Variants in MAGI2 observed in about 807,000 individuals in gnomAD.
The protein encoded by MAGI2 is membrane-associated guanylate kinase, WW and PDZ domain-containing protein 2.
MAGI2 carries 35 observed loss-of-function variants against 133.3 expected under a neutral mutation model. The ratio of observed to expected loss-of-function variants is 0.26; its 90% CI spans 0.20 to 0.35. MAGI2 has a LOEUF of 0.35. Among genes scored for constraint, MAGI2 ranks in the 10% least tolerant of loss-of-function variants. MAGI2 has a pLI of 1.00. For missense variants in MAGI2, 1,636 were observed against 1,863.4 expected, an observed-to-expected ratio of 0.88 and a Z score of 2.25; for synonymous variants, 729 against 710.6, an observed-to-expected ratio of 1.03 and a Z score of -0.41.
intron 2 of MAGI2, among the ~76,000 whole-genome samples, chr7:78,654,425 C>G (rs964587195): frequency 1.3e-5 from 2 of 151,946 alleles, no homozygotes; most frequent in African/African-American, 4.8e-5. Flanking sequence ...CCTGGTCCCA[C>G]AAGATGCTCT....
chr7:78,127,821 T>C (rs975965445), intron 18 of MAGI2, among the ~76,000 whole-genome samples: 2 of 152,290 alleles, frequency 1.3e-5, no homozygotes, highest in Admixed American at 6.5e-5. Flanking sequence ...TCACTCTTAC[T>C]TTTTTCTCTC....
intron 17 of MAGI2, 44 bp downstream of exon 17, chr7:78,134,977 C>A: frequency 1.9e-6 from 3 of 1,570,358 alleles, no homozygotes; most frequent in South Asian, 1.1e-5. Context: ...GTGAGTGTGT[C>A]CATGTGTTGG....
intron 1 of MAGI2, among the ~76,000 whole-genome samples, chr7:79,323,193 C>A (rs539566272): frequency 6.6e-6 from 1 of 152,216 alleles, no homozygotes; most frequent in South Asian, 2.1e-4. Flanking sequence ...TGAGCTCCTA[C>A]TGTATACCAA....
intron 2 of MAGI2, among the ~76,000 whole-genome samples, chr7:78,666,876 C>T (rs957055275): frequency 6.6e-6 from 1 of 152,124 alleles, no homozygotes; most frequent in African/African-American, 2.4e-5. Flanking sequence ...GTCTATTGCT[C>T]TTTCTATTAA....
At chr7:79,141,208 T>C (rs925028538) in intron 1 of MAGI2, among the ~76,000 whole-genome samples, 2 of 152,204 alleles carry the variant, frequency 1.3e-5, no homozygotes, top group Non-Finnish European at 2.9e-5. Flanking sequence ...ACTCCTTCCT[T>C]TTCCTGTCTT....
chr7:78,844,735 T>C (rs993268625), intron 2 of MAGI2, among the ~76,000 whole-genome samples: 9 of 151,812 alleles, frequency 5.9e-5, no homozygotes, highest in Admixed American at 4.6e-4. Context: ...AAACTGATGG[T>C]AGTTATACAA....
intron 15 of MAGI2, among the ~76,000 whole-genome samples, chr7:78,165,720 C>T (rs1016206790): frequency 6.6e-6 from 1 of 152,178 alleles, no homozygotes; most frequent in Admixed American, 6.5e-5. Context: ...CAGGCTTGCA[C>T]CTCCCACTGC....
Position 78,506,328 on chromosome 7 carries a change from A to G in MAGI2, c.755-4541T>C, listed in dbSNP as rs190382786. Among the ~76,000 whole-genome samples, 11 of 152,282 alleles carry G rather than the reference A, an allele frequency of 7.2e-5. No individual in the cohort carries two copies. The East Asian group carries it at 2.1e-3, about 29-fold the overall frequency. On this transcript the variant is annotated intron_variant, in intron 4 of 21. Transcript: ENST00000354212. ...GTAGGCTATACATGTGGTTTTGGGC[A>G]CACTGAGTTAGAGGTTCATGGAGAC...
chr7:79,386,220 G>A (rs751312779), intron 1 of MAGI2, among the ~76,000 whole-genome samples: 44 of 151,812 alleles, frequency 2.9e-4, no homozygotes, highest in Non-Finnish European at 5.9e-4. Context: ...CTGTAGGTAC[G>A]TCAAAATTGA....
chr7:79,333,415 C>T (rs979561509), intron 1 of MAGI2, among the ~76,000 whole-genome samples: 4 of 152,094 alleles, frequency 2.6e-5, no homozygotes, highest in Non-Finnish European at 5.9e-5. Context: ...CGTGAGCCAC[C>T]GCACCCGGCC....
intron 1 of MAGI2, among the ~76,000 whole-genome samples, chr7:79,420,267 C>A (rs536189920): frequency 1.5e-4 from 23 of 152,016 alleles, no homozygotes; most frequent in African/African-American, 5.3e-4. Context: ...TACCTTTTTC[C>A]AGAAAATTAA....
rs970925721 is a variant in MAGI2, at chr7:78,523,165, A to G, written c.539-1520T>C. Among the ~76,000 whole-genome samples, 6 of 152,340 alleles carry G rather than the reference A, an allele frequency of 3.9e-5. No individual in the cohort carries two copies. The South Asian group carries it at 1.2e-3, about 32-fold the overall frequency. On this transcript the variant is annotated intron_variant, in intron 3 of 21. Coordinates refer to ENST00000354212, the MANE Select transcript of MAGI2 (RefSeq NM_012301.4). ...TAGAATTTAGGCTTGGCTTTTTTAT[A>G]TAACTACAAGCAAGTTACTTAACCT...
rs1192847489 is a variant in MAGI2, at chr7:78,627,151, A to G, written c.507T>C (p.Ser169=). The change falls in exon 3 of 22, where the codon AGT becomes AGC. Residue 169 remains serine (S), a synonymous_variant. Coordinates refer to ENST00000354212, the MANE Select transcript of MAGI2 (RefSeq NM_012301.4). ...TVEDFMELEK[S]GALLESGTYE... is the part of the protein sequence containing the mutation. Reference sequence around the variant, plus strand: ...AAGTCCCACTTTCTAGGAGAGCACCACTTTTCTCCAATTCCATAAAATCTT... The same window carrying G: ...AAGTCCCACTTTCTAGGAGAGCACCGCTTTTCTCCAATTCCATAAAATCTT... 1.3e-6 allele frequency: 2 copies of G among 1,597,796 alleles called. No homozygotes were observed. Among genetic ancestry groups the G allele is most frequent in the South Asian group, 1.1e-5 (1 of 88,656 alleles).
chr7:79,281,965 C>T (rs1835674747), intron 1 of MAGI2, among the ~76,000 whole-genome samples: 1 of 152,088 alleles, frequency 6.6e-6, no homozygotes, highest in South Asian at 2.1e-4. Flanking sequence ...TTTCATGATT[C>T]CTACCAATTA....
At chr7:79,420,245 T>C (rs1005922645) in intron 1 of MAGI2, among the ~76,000 whole-genome samples, 3 of 152,026 alleles carry the variant, frequency 2.0e-5, no homozygotes, top group Non-Finnish European at 4.4e-5. Context: ...CACACAAACA[T>C]GCAACTGTCT....
rs1563009624 is a variant in MAGI2, at chr7:78,019,912, G to A, written c.3771C>T (p.Ser1257=). The change falls in exon 22 of 22, where the codon TCC becomes TCT. Residue 1257 remains serine (S), a synonymous_variant. Coordinates refer to ENST00000354212, the MANE Select transcript of MAGI2 (RefSeq NM_012301.4). ...AAPGLPEVGV[S]LDDGLAPFSP... ...AGAATGGAGCGAGGCCGTCGTCCAG[G>A]GAGACGCCTACTTCCGGCAGACCTG... The A allele has an allele frequency of 6.2e-7, 1 of 1,610,628 alleles. No individual in the cohort carries two copies. The highest frequency in any genetic ancestry group is 8.5e-7 in the Non-Finnish European group (1 of 1,178,784).
intron 1 of MAGI2, among the ~76,000 whole-genome samples, chr7:79,184,337 A>G (rs1200282813): frequency 6.6e-6 from 1 of 151,558 alleles, no homozygotes; most frequent in Non-Finnish European, 1.5e-5. Context: ...TGATAGGTGC[A>G]CCAATATCTC....
rs143986042 is a variant in MAGI2, at chr7:79,177,508, T to C, written c.302-170302A>G. The stretch of plus-strand genomic sequence containing the variant: ...GCCTTTGGCATGATAATTATTGTTG[T>C]TTCTAGTTTCTTGGGAGGGGCTATT... On this transcript the variant is annotated intron_variant, in intron 1 of 21. Coordinates refer to ENST00000354212, the MANE Select transcript of MAGI2 (RefSeq NM_012301.4). Among the ~76,000 whole-genome samples, 1,071 of 152,162 alleles carry C rather than the reference T, an allele frequency of 7.0e-3. 21 individuals are homozygous for C. The highest frequency in any genetic ancestry group is 0.025 in the African/African-American group (1,023 of 41,468).
chr7:78,433,238 T>C (rs149093973), intron 6 of MAGI2, among the ~76,000 whole-genome samples: 313 of 152,210 alleles, frequency 2.1e-3, no homozygotes, highest in African/African-American at 7.1e-3. Context: ...CTTAACTACC[T>C]AAGTAGTTTT....
Sources: gnomAD v4.1 joint callset for allele counts (sites outside exome capture counted in the v4.1 genomes callset) on GRCh38, gnomAD v4.1.1 for gene constraint, MANE v1.5 for transcripts, NCBI Gene and HGNC (gene_info 2026-07-23, HGNC 2026-07-21) for gene names.